The following EPHA6 variants were observed in gnomAD, a reference collection of about 807,000 sequenced individuals.
The protein encoded by EPHA6 is ephrin type-A receptor 6.
In EPHA6, 50 loss-of-function variants were observed where a neutral mutation model predicts 112.0. The ratio of observed to expected loss-of-function variants is 0.45; its 90% CI spans 0.36 to 0.56. EPHA6 has a LOEUF of 0.56. Among genes scored for constraint, EPHA6 ranks in the 20% least tolerant of loss-of-function variants. EPHA6 has a pLI of 0.00. For missense variants in EPHA6, 1,280 were observed against 1,417.4 expected, an observed-to-expected ratio of 0.90 and a Z score of 1.56; for synonymous variants, 529 against 490.7, an observed-to-expected ratio of 1.08 and a Z score of -1.03.
rs2093824836 is a variant in EPHA6 at position 97,622,851 on chromosome 3, T to C, written c.2574+11997T>C. The stretch of plus-strand genomic sequence containing the variant: ...AACGAAGTTTTAATTTCTGTAATGA[T>C]TTGTGGTTTTCAGGATCTTTTCAGT... On this transcript the variant is annotated intron_variant, in intron 13 of 17. Transcript: ENST00000389672. 2.6e-5 allele frequency among the ~76,000 whole-genome samples: 4 copies of C among 151,886 alleles called. No homozygotes were observed. In the South Asian group the frequency reaches 8.3e-4, roughly 31 times the overall value.
intron 8 of EPHA6, among the ~76,000 whole-genome samples, chr3:97,475,764 A>T (rs1324105735): frequency 2.0e-5 from 3 of 152,174 alleles, no homozygotes; most frequent in African/African-American, 7.2e-5. Context: ...TTTCTTAAAA[A>T]ATATTTTAAT....
At chr3:97,562,244 C>G (rs2093202631) in intron 11 of EPHA6, among the ~76,000 whole-genome samples, 1 of 152,072 alleles carries the variant, frequency 6.6e-6, no homozygotes, top group South Asian at 2.1e-4. Context: ...GTAGTAATTT[C>G]TCTGATGGAT....
chr3:97,746,605 G>A (rs886956418), intron 16 of EPHA6, among the ~76,000 whole-genome samples: 2 of 151,632 alleles, frequency 1.3e-5, no homozygotes, highest in African/African-American at 2.4e-5. Context: ...ATATGTGTAT[G>A]TAATGTATAT....
chr3:97,465,993 A>G (rs775395614), intron 7 of EPHA6, among the ~76,000 whole-genome samples: 1 of 151,358 alleles, frequency 6.6e-6, no homozygotes, highest in African/African-American at 2.4e-5. Context: ...TTGTTTTTGC[A>G]TCTATGCAAT....
At chr3:97,158,963 G>A (rs927968170) in intron 3 of EPHA6, among the ~76,000 whole-genome samples, 2 of 152,074 alleles carry the variant, frequency 1.3e-5, no homozygotes, top group African/African-American at 4.8e-5. Context: ...AAAAGGGGGA[G>A]GCAGGTTTGT....
intron 14 of EPHA6, among the ~76,000 whole-genome samples, chr3:97,649,059 A>C (rs2094088536): frequency 6.6e-6 from 1 of 152,180 alleles, no homozygotes; most frequent in African/African-American, 2.4e-5. Context: ...ACTTAGGTAG[A>C]AAATCATGAA....
intron 2 of EPHA6, among the ~76,000 whole-genome samples, chr3:96,918,094 A>G (rs1315440928): frequency 3.3e-5 from 5 of 152,114 alleles, no homozygotes; most frequent in African/African-American, 1.2e-4. Context: ...CACCTTTACA[A>G]TCATGATGAA....
chr3:97,523,177 T>A (rs2107624014), intron 10 of EPHA6, among the ~76,000 whole-genome samples: 1 of 152,212 alleles, frequency 6.6e-6, no homozygotes, highest in East Asian at 1.9e-4. Flanking sequence ...GCTATAAACT[T>A]CCCTCTTAGA....
At chr3:97,157,373 G>A (rs1191356979) in intron 3 of EPHA6, among the ~76,000 whole-genome samples, 1 of 151,928 alleles carries the variant, frequency 6.6e-6, no homozygotes, top group African/African-American at 2.4e-5. Context: ...TGTGGTTATT[G>A]TTTTCTTTTG....
chr3:97,650,090 C>T (rs1356388668), intron 14 of EPHA6, among the ~76,000 whole-genome samples: 2 of 152,082 alleles, frequency 1.3e-5, no homozygotes, highest in African/African-American at 4.8e-5. Context: ...GCCCATTTGT[C>T]AGAAAGCAAA....
chr3:96,936,297 AC>A (rs2040578314), intron 2 of EPHA6, among the ~76,000 whole-genome samples: 1 of 152,120 alleles, frequency 6.6e-6, no homozygotes, highest in Non-Finnish European at 1.5e-5. Context: ...TCAATAAAAA[AC>A]ATTTGGCTTT....
chr3:97,203,381 T>G (rs2077629949), intron 3 of EPHA6, among the ~76,000 whole-genome samples: 1 of 152,108 alleles, frequency 6.6e-6, no homozygotes, highest in African/African-American at 2.4e-5. Flanking sequence ...GCGATTTGCC[T>G]GCTTGAGGCA....
At chr3:97,081,028 A>T (rs1033683855) in intron 3 of EPHA6, among the ~76,000 whole-genome samples, 1 of 151,910 alleles carries the variant, frequency 6.6e-6, no homozygotes, top group African/African-American at 2.4e-5. Flanking sequence ...TGAAATGTGG[A>T]GGTGACTTGC....
chr3:97,154,989 G>T (rs2076256790), intron 3 of EPHA6, among the ~76,000 whole-genome samples: 2 of 152,090 alleles, frequency 1.3e-5, no homozygotes, highest in South Asian at 4.1e-4. Flanking sequence ...GTAAAATAAA[G>T]ATTATATTGT....
chr3:97,191,493 A>G (rs2077304849), intron 3 of EPHA6, among the ~76,000 whole-genome samples: 1 of 151,868 alleles, frequency 6.6e-6, no homozygotes, highest in Non-Finnish European at 1.5e-5. Context: ...GCCTCTGGTA[A>G]TGATCATTCT....
At chr3:97,175,548 G>A (rs1013154558) in intron 3 of EPHA6, among the ~76,000 whole-genome samples, 1 of 151,558 alleles carries the variant, frequency 6.6e-6, no homozygotes, top group Non-Finnish European at 1.5e-5. Context: ...TCCATTTTTT[G>A]TTGTAATCTT....
intron 3 of EPHA6, among the ~76,000 whole-genome samples, chr3:97,149,985 T>C (rs1305631360): frequency 6.6e-6 from 1 of 151,918 alleles, no homozygotes; most frequent in Non-Finnish European, 1.5e-5. Flanking sequence ...TTAACTCCCA[T>C]CCTTGAGAAA....
intron 3 of EPHA6, among the ~76,000 whole-genome samples, chr3:97,087,486 A>G (rs540679386): frequency 6.6e-6 from 1 of 152,308 alleles, no homozygotes; most frequent in South Asian, 2.1e-4. Flanking sequence ...ATAAGAAGCC[A>G]GAGGCACTTT....
chr3:97,507,639 C>T (rs1041400968), intron 10 of EPHA6, among the ~76,000 whole-genome samples: 2 of 152,018 alleles, frequency 1.3e-5, no homozygotes, highest in Non-Finnish European at 1.5e-5. Flanking sequence ...TTTGTTGTGT[C>T]TGCCTGGTTT....
Sources: gnomAD v4.1 joint callset for allele counts (sites outside exome capture counted in the v4.1 genomes callset) on GRCh38, gnomAD v4.1.1 for gene constraint, MANE v1.5 for transcripts, NCBI Gene and HGNC (gene_info 2026-07-23, HGNC 2026-07-21) for gene names.